Variants in SDHAF4 observed in about 807,000 individuals in gnomAD.
The protein encoded by SDHAF4 is succinate dehydrogenase complex assembly factor 4.
A neutral mutation model predicts 14.3 loss-of-function variants in SDHAF4; 14 were observed. That is an observed-to-expected ratio of 0.98 (90% confidence interval 0.65 to 1.53). SDHAF4 has a LOEUF of 1.53. Among genes scored for constraint, SDHAF4 ranks in the 40% most tolerant of loss-of-function variants. The pLI, the probability that SDHAF4 is intolerant of heterozygous loss-of-function variation, is 0.00. For synonymous variants in SDHAF4, 63 were observed against 47.3 expected (o/e 1.33, Z -1.36); for missense variants, 141 against 129.3 (o/e 1.09, Z -0.44).
rs146446063 is a variant in SDHAF4, at chr6:70,588,620, C to T, written c.223C>T (p.Pro75Ser). Residue 75 changes from proline to serine, a missense_variant, in exon 3 of 3, where the codon CCA becomes TCA. Physicochemically the swap from Pro to Ser is moderately conservative, Grantham distance 74. Coordinates refer to ENST00000370474, the MANE Select transcript of SDHAF4 (RefSeq NM_145267.3). ...HLEKEPLEKF[P>S]DDVNPVTKEK... ...TTATATCTCGTTTTCCTTAGAATTT[C>T]CAGATGATGTTAATCCAGTGACCAA... is the stretch of plus-strand genomic sequence containing the variant. 25,288 of 1,574,540 alleles carry T rather than the reference C, an allele frequency of 0.016. 232 individuals are homozygous for T. Among genetic ancestry groups the T allele is most frequent in the Non-Finnish European group, 0.017 (20,096 of 1,151,542 alleles).
Position 70,588,819 on chromosome 6 carries a change from G to C in SDHAF4, c.*95G>C. 1.9e-6 allele frequency: 1 copy of C among 514,408 alleles called. No homozygotes were observed. The highest frequency in any genetic ancestry group is 2.6e-5 in the South Asian group (1 of 37,998). 31.9% of individuals were successfully genotyped at this position (514,408 alleles called of 1,614,324 possible). ...TTTCTTTCTTTATATCCTTTATGTC[G>C]TGTAGTTTGTATAATGTGTTTAAAT... On this transcript the variant is annotated 3_prime_UTR_variant, in exon 3 of 3. Coordinates refer to ENST00000370474, the MANE Select transcript of SDHAF4 (RefSeq NM_145267.3).
chr6:70,580,541 A>T (rs141721299), intron 2 of SDHAF4, among the ~76,000 whole-genome samples: 2 of 152,232 alleles, frequency 1.3e-5, no homozygotes. Flanking sequence ...TGTTCATAGT[A>T]TTATTAACAG....
chr6:70,589,602 C>T (rs1765241125), downstream of SDHAF4: 3 of 152,124 alleles, frequency 2.0e-5, no homozygotes, highest in African/African-American at 7.2e-5. Context: ...GGGATAGTGG[C>T]TTTTAACATG....
the SDHAF4 span, among the ~76,000 whole-genome samples, chr6:70,596,189 T>C: frequency 6.6e-6 from 1 of 152,266 alleles, no homozygotes; most frequent in South Asian, 2.1e-4. Flanking sequence ...ATCACCCAGA[T>C]CTCCTCCTGT....
intron 1 of SDHAF4, among the ~76,000 whole-genome samples, chr6:70,568,223 A>G (rs1218011741): frequency 2.6e-5 from 4 of 152,196 alleles, no homozygotes; most frequent in African/African-American, 9.7e-5. Flanking sequence ...AAAATTTTGT[A>G]GGGTTCATTC....
chr6:70,571,326 ATGT>A (rs1802175025), intron 1 of SDHAF4, among the ~76,000 whole-genome samples: 1 of 152,148 alleles, frequency 6.6e-6, no homozygotes, highest in South Asian at 2.1e-4. Context: ...TTTAAATATA[ATGT>A]TGTATTTGTT....
intron 2 of SDHAF4, among the ~76,000 whole-genome samples, chr6:70,581,865 T>C (rs1765130705): frequency 6.6e-6 from 1 of 152,124 alleles, no homozygotes; most frequent in South Asian, 2.1e-4. Context: ...TGCCTCGGCC[T>C]CCCAAAGTGC....
At chr6:70,589,611 T>G (rs2128536657), downstream of SDHAF4, 1 of 152,332 alleles carries the variant, frequency 6.6e-6, no homozygotes, top group East Asian at 1.9e-4. Context: ...GCTTTTAACA[T>G]GTGAGTTAAA....
chr6:70,596,987 A>G, the SDHAF4 span: 1 of 152,334 alleles, frequency 6.6e-6, no homozygotes, highest in South Asian at 2.1e-4. Context: ...GTGAGATATT[A>G]ATGAGTGCTG....
downstream of SDHAF4, among the ~76,000 whole-genome samples, chr6:70,591,333 GA>G (rs1765256044): frequency 8.2e-6 from 1 of 121,820 alleles, no homozygotes; most frequent in Non-Finnish European, 1.7e-5. Context: ...TGAGAGGAAA[GA>G]TTTTTTTTTT....
In SDHAF4 at chr6:70,589,563, T is replaced by A. The variant is rs1449777807; in HGVS notation, c.*839T>A. On this transcript the variant is annotated 3_prime_UTR_variant, in exon 3 of 3. Transcript: ENST00000370474. ...ATGCATACATAAATAAAATAATTTT[T>A]AAAAAATGATTGTGTTGCTGCGTGC... 1 of 152,206 alleles carries A rather than the reference T, an allele frequency of 6.6e-6. No homozygotes were observed. The highest frequency in any genetic ancestry group is 1.5e-5 in the Non-Finnish European group (1 of 68,040). The allele number at this position is 152,206 out of a possible 1,614,324, so 9.4% of individuals were successfully genotyped here.
At chr6:70,580,071 C>A (rs1367029068) in intron 2 of SDHAF4, among the ~76,000 whole-genome samples, 1 of 150,576 alleles carries the variant, frequency 6.6e-6, no homozygotes, top group African/African-American at 2.5e-5. Context: ...AAATAAATAA[C>A]AAATATATGT....
At chr6:70,582,798 G>A (rs1765147902) in intron 2 of SDHAF4, among the ~76,000 whole-genome samples, 2 of 152,046 alleles carry the variant, frequency 1.3e-5, no homozygotes, top group African/African-American at 4.8e-5. Flanking sequence ...TAGCTCCACT[G>A]GTCACCTAAC....
downstream of SDHAF4, among the ~76,000 whole-genome samples, chr6:70,592,535 G>A (rs1765267725): frequency 6.6e-6 from 1 of 152,170 alleles, no homozygotes; most frequent in Admixed American, 6.6e-5. Flanking sequence ...GCTGGATTGT[G>A]TCCAGGCCCA....
At position 70,580,421 on chromosome 6, in the gene SDHAF4, G is replaced by A. The variant is rs572092333; in HGVS notation, c.217+855G>A. The stretch of plus-strand genomic sequence containing the variant: ...AGCCACTGTGGAAAACAGTATGGCC[G>A]TTCCTCAAAAAATCAAACTTAGAAC... On this transcript the variant is annotated intron_variant, in intron 2 of 2. Coordinates refer to ENST00000370474, the MANE Select transcript of SDHAF4 (RefSeq NM_145267.3). Among the ~76,000 whole-genome samples, 5 of 152,292 alleles carry A rather than the reference G, an allele frequency of 3.3e-5. No homozygotes were observed. In the East Asian group the frequency reaches 5.8e-4, roughly 18 times the overall value.
At chr6:70,590,887 G>A (rs1218405047), downstream of SDHAF4, among the ~76,000 whole-genome samples, 2 of 152,132 alleles carry the variant, frequency 1.3e-5, no homozygotes, top group Non-Finnish European at 2.9e-5. Flanking sequence ...ACCCAAAAAA[G>A]CCAGTGGTGT....
chr6:70,597,737 A>G, the SDHAF4 span, among the ~76,000 whole-genome samples: 3 of 152,312 alleles, frequency 2.0e-5, no homozygotes, highest in Non-Finnish European at 4.4e-5. Context: ...TTATTAATTA[A>G]ATATTCATTT....
chr6:70,569,994 G>C (rs1359879642), intron 1 of SDHAF4, among the ~76,000 whole-genome samples: 3 of 151,930 alleles, frequency 2.0e-5, no homozygotes, highest in Non-Finnish European at 2.9e-5. Flanking sequence ...TGTATTTATA[G>C]GACCTTTCCC....
At chr6:70,578,900 T>G (rs2128534924) in intron 1 of SDHAF4, among the ~76,000 whole-genome samples, 1 of 152,296 alleles carries the variant, frequency 6.6e-6, no homozygotes, top group Non-Finnish European at 1.5e-5. Context: ...AGACTAGAAT[T>G]GAGCTCCTGG....
Sources: allele counts gnomAD v4.1 joint callset (sites outside exome capture counted in the v4.1 genomes callset), GRCh38; gene constraint gnomAD v4.1.1; transcripts MANE v1.5; gene names NCBI Gene and HGNC (gene_info 2026-07-23, HGNC 2026-07-21).